Variants in INPP5B observed in about 807,000 individuals in gnomAD.
The protein encoded by INPP5B is type II inositol 1,4,5-trisphosphate 5-phosphatase.
A neutral mutation model predicts 118.5 loss-of-function variants in INPP5B; 90 were observed. The ratio of observed to expected loss-of-function variants is 0.76; its 90% CI spans 0.64 to 0.90. INPP5B has a LOEUF of 0.90. INPP5B is among the 40% of genes least tolerant of loss of function. The probability of loss-of-function intolerance (pLI) is 0.00; values close to 1 mark genes in which losing one functional copy is unlikely to be tolerated. For missense variants in INPP5B, 984 were observed against 1,125.6 expected, an observed-to-expected ratio of 0.87 and a Z score of 1.80; for synonymous variants, 385 against 418.9, an observed-to-expected ratio of 0.92 and a Z score of 0.99.
chr1:37,881,122 T>C (rs766470546), intron 14 of INPP5B, among the ~76,000 whole-genome samples: 3 of 152,188 alleles, frequency 2.0e-5, no homozygotes, highest in Admixed American at 1.3e-4. Context: ...AAACTAATAG[T>C]TTTTCTCTTC....
At chr1:37,938,417 G>A (rs1189176844) in intron 6 of INPP5B, among the ~76,000 whole-genome samples, 1 of 152,108 alleles carries the variant, frequency 6.6e-6, no homozygotes, top group Non-Finnish European at 1.5e-5. Context: ...TGTGAGCTAC[G>A]AGTCTTCTTG....
At chr1:37,901,272 G>A (rs779443321) in intron 7 of INPP5B, among the ~76,000 whole-genome samples, 3 of 152,150 alleles carry the variant, frequency 2.0e-5, no homozygotes, top group Non-Finnish European at 4.4e-5. Context: ...AATGTCAGCT[G>A]ACGTCCAGCT....
intron 13 of INPP5B, chr1:37,883,287 T>C (rs1048872856): frequency 5.0e-5 from 49 of 985,346 alleles, no homozygotes; most frequent in Non-Finnish European, 5.4e-5. Flanking sequence ...AATCAGATGA[T>C]GCCACGATAC....
rs746619799 is a variant in INPP5B at position 37,868,509 on chromosome 1, C to A, written c.2293G>T (p.Val765Phe). Residue 765 changes from valine (V) to phenylalanine (F), a missense_variant, in exon 20 of 24, where the codon GTC (valine) becomes TTC (phenylalanine). Val to Phe is a conservative substitution (Grantham distance 50). Transcript: ENST00000373024. ...MMVDYLYRNA[V>F]QQEDLFQQPG... is the part of the protein sequence containing the mutation. ...GCTTAAACACAACCTACCTGCTGGA[C>A]AGCATTTCGGTACAGGTAATCAACC... The A allele has an allele frequency of 6.2e-7, 1 of 1,611,704 alleles. No individual in the cohort carries two copies. The highest frequency in any genetic ancestry group is 1.7e-5 in the Admixed American group (1 of 59,978).
chr1:37,875,481 G>A, intron 17 of INPP5B, 125 bp downstream of exon 17: 1 of 644,694 alleles, frequency 1.6e-6, no homozygotes, highest in South Asian at 1.8e-5. Context: ...TGTTAGCCAG[G>A]ATGGTCTTGA....
chr1:37,929,398 A>T (rs1224513708), intron 7 of INPP5B: 1 of 152,160 alleles, frequency 6.6e-6, no homozygotes, highest in African/African-American at 2.4e-5. Context: ...GATTAAAGGC[A>T]TGAGTCATCG....
intron 17 of INPP5B, among the ~76,000 whole-genome samples, chr1:37,874,388 C>G (rs1216719533): frequency 6.6e-6 from 1 of 152,194 alleles, no homozygotes; most frequent in African/African-American, 2.4e-5. Context: ...CTGAAGAAGT[C>G]AAAGTTTATA....
chr1:37,924,176 CTTTTTT>C (rs535858609), intron 7 of INPP5B, among the ~76,000 whole-genome samples: 5 of 138,288 alleles, frequency 3.6e-5, no homozygotes, highest in African/African-American at 1.1e-4. Flanking sequence ...ATTTCTTTTT[CTTTTTT>C]TTTTTTGAGA....
intron 12 of INPP5B, among the ~76,000 whole-genome samples, 197 bp from the exon 13 acceptor site, chr1:37,886,022 A>G (rs886134325): frequency 2.0e-4 from 31 of 152,028 alleles, no homozygotes; most frequent in African/African-American, 7.5e-4. Context: ...TACTAAAAAT[A>G]CAAAAATTAG....
rs755734420 is a variant in INPP5B, at chr1:37,866,443, A to ACACACACAC, written c.2386+15_2386+16insGTGTGTGTG. 374 of 1,091,070 alleles carry ACACACACAC rather than the reference A, an allele frequency of 3.4e-4. 2 individuals carry two copies. In the African/African-American group the frequency reaches 6.2e-3, roughly 18 times the overall value. 67.6% of individuals were successfully genotyped at this position (1,091,070 alleles called of 1,614,324 possible). The stretch of plus-strand genomic sequence containing the variant: ...ACACACACACACACACACAGAGCTG[A>ACACACACAC]ATGTCTGAAGGATACAGAGGTTATC... On this transcript the variant is annotated intron_variant, in intron 21 of 23. Transcript: ENST00000373024.
At chr1:37,863,410 G>A (rs1289481197) in intron 23 of INPP5B, among the ~76,000 whole-genome samples, 2 of 152,126 alleles carry the variant, frequency 1.3e-5, no homozygotes, top group Non-Finnish European at 2.9e-5. Flanking sequence ...AGCTACTCGG[G>A]AGGCTGAGGC....
At chr1:37,905,964 T>C (rs909325055) in intron 7 of INPP5B, among the ~76,000 whole-genome samples, 9 of 152,210 alleles carry the variant, frequency 5.9e-5, no homozygotes, top group African/African-American at 2.2e-4. Flanking sequence ...TAGACCGTAT[T>C]TGTTTCACTC....
intron 7 of INPP5B, among the ~76,000 whole-genome samples, chr1:37,912,007 T>C (rs577600604): frequency 6.6e-6 from 1 of 152,316 alleles, no homozygotes; most frequent in Non-Finnish European, 1.5e-5. Context: ...AACTTTTATA[T>C]GGACGCACTT....
chr1:37,865,236 A>G (rs1641958850), intron 22 of INPP5B, among the ~76,000 whole-genome samples: 1 of 152,136 alleles, frequency 6.6e-6, no homozygotes, highest in African/African-American at 2.4e-5. Flanking sequence ...TAGAATCTCT[A>G]TTATTGGCAA....
intron 7 of INPP5B, among the ~76,000 whole-genome samples, chr1:37,892,802 C>T (rs186195446): frequency 6.6e-6 from 1 of 152,078 alleles, no homozygotes; most frequent in Admixed American, 6.6e-5. Flanking sequence ...GGAGTTGGGG[C>T]CTTTAGGTGT....
At chr1:37,943,594 A>C (rs995856259) in intron 5 of INPP5B, 46 bp downstream of exon 5, 1 of 1,600,406 alleles carries the variant, frequency 6.2e-7, no homozygotes, top group East Asian at 2.2e-5. Context: ...TCTGAAAATC[A>C]GGCACCCCTG....
chr1:37,940,137 A>T (rs1421033343), intron 6 of INPP5B, among the ~76,000 whole-genome samples: 1 of 152,118 alleles, frequency 6.6e-6, no homozygotes, highest in Non-Finnish European at 1.5e-5. Flanking sequence ...TTGAATTTGC[A>T]TGTTCTATGA....
chr1:37,862,180 G>T lies in INPP5B; in HGVS notation c.*135C>A. On this transcript the variant is annotated 3_prime_UTR_variant, in exon 24 of 24. Coordinates refer to ENST00000373024, the MANE Select transcript of INPP5B (RefSeq NM_005540.3). The stretch of plus-strand genomic sequence containing the variant: ...TGCTAACCAATGGTGGGCTTAATTG[G>T]GGTACTAGGCTCAGGAAATAGCTGC... The T allele has an allele frequency of 6.4e-6, 4 of 628,310 alleles. No individual in the cohort carries two copies. Among genetic ancestry groups the T allele is most frequent in the Non-Finnish European group, 1.1e-5 (4 of 348,132 alleles). 38.9% of individuals were successfully genotyped at this position (628,310 alleles called of 1,614,324 possible). A position where few individuals can be genotyped will look rare whatever the true frequency, so the allele number is the denominator to read the frequency against.
At chr1:37,872,026 C>T (rs1395216619) in intron 19 of INPP5B, among the ~76,000 whole-genome samples, 3 of 139,066 alleles carry the variant, frequency 2.2e-5, no homozygotes, top group African/African-American at 5.4e-5. Context: ...ATTGAGCCAC[C>T]GCACTCCAGC....
Sources: gnomAD v4.1 joint callset for allele counts (sites outside exome capture counted in the v4.1 genomes callset) on GRCh38, gnomAD v4.1.1 for gene constraint, MANE v1.5 for transcripts, NCBI Gene and HGNC (gene_info 2026-07-23, HGNC 2026-07-21) for gene names.